The following C12orf56 variants were observed in gnomAD, a reference collection of about 807,000 sequenced individuals.
C12orf56 encodes uncharacterized protein C12orf56.
In C12orf56, 71 loss-of-function variants were observed where a neutral mutation model predicts 69.9. That is an observed-to-expected ratio of 1.02 (90% CI 0.84 to 1.24). C12orf56 has a LOEUF of 1.24. C12orf56 is among the 50% of genes most tolerant of loss of function. The pLI is 0.00. For synonymous variants in C12orf56, 276 were observed against 274.1 expected (o/e 1.01, Z -0.07); for missense variants, 732 against 738.5 (o/e 0.99, Z 0.10).
chr12:64,337,721 G>A lies in C12orf56; in HGVS notation c.416-6689C>T, dbSNP rs1409112284. On this transcript the variant is annotated intron_variant, in intron 2 of 12. Transcript: ENST00000543942. ...AAAATACAAAAATTAGTCACGTGTGGTAGTGCATGCCTGTAATCCCAGCTG... is the reference window on the plus strand; with the variant it reads ...AAAATACAAAAATTAGTCACGTGTGATAGTGCATGCCTGTAATCCCAGCTG... Among the ~76,000 whole-genome samples the A allele has an allele frequency of 2.0e-5, 3 of 152,166 alleles. No homozygotes were observed. In the East Asian group the frequency reaches 5.8e-4, roughly 29 times the overall value.
intron 2 of C12orf56, among the ~76,000 whole-genome samples, chr12:64,337,921 G>C (rs910199909): frequency 2.6e-5 from 4 of 151,148 alleles, no homozygotes; most frequent in Non-Finnish European, 5.9e-5. Context: ...CTTTATACCA[G>C]GGAGAGGAGA....
At chr12:64,374,458 T>C (rs906328458) in intron 1 of C12orf56, among the ~76,000 whole-genome samples, 5 of 152,178 alleles carry the variant, frequency 3.3e-5, no homozygotes, top group Non-Finnish European at 7.3e-5. Context: ...CACAAATGTA[T>C]CTACATCATT....
intron 4 of C12orf56, among the ~76,000 whole-genome samples, chr12:64,313,904 A>T (rs1248637173): frequency 6.6e-6 from 1 of 151,768 alleles, no homozygotes; most frequent in Non-Finnish European, 1.5e-5. Context: ...TTAGCCAGGC[A>T]TGGTGGCACA....
chr12:64,285,564 G>C (rs2038187637), intron 7 of C12orf56, among the ~76,000 whole-genome samples: 1 of 152,082 alleles, frequency 6.6e-6, no homozygotes, highest in African/African-American at 2.4e-5. Context: ...GAGATGGATG[G>C]ATCACCTGAG....
intron 3 of C12orf56, among the ~76,000 whole-genome samples, chr12:64,322,881 CT>C (rs1397148804): frequency 6.6e-6 from 1 of 152,128 alleles, no homozygotes; most frequent in Non-Finnish European, 1.5e-5. Flanking sequence ...CTTCACCCTC[CT>C]TTTTTTGGAA....
chr12:64,277,572 G>A, intron 9 of C12orf56, 108 bp downstream of exon 9: 2 of 721,944 alleles, frequency 2.8e-6, no homozygotes, highest in Non-Finnish European at 3.7e-6. Flanking sequence ...CTACTCTTTG[G>A]TTTAATTATG....
intron 1 of C12orf56, among the ~76,000 whole-genome samples, chr12:64,379,239 G>T (rs2039679723): frequency 6.6e-6 from 1 of 151,944 alleles, no homozygotes; most frequent in Admixed American, 6.6e-5. Flanking sequence ...GAATCAAATT[G>T]ACAAGATGCC....
intron 6 of C12orf56, among the ~76,000 whole-genome samples, chr12:64,286,299 T>C (rs2038200857): frequency 6.6e-6 from 1 of 152,194 alleles, no homozygotes; most frequent in Admixed American, 6.6e-5. Context: ...GAGATGCCAG[T>C]TAGGCCTGGC....
intron 2 of C12orf56, among the ~76,000 whole-genome samples, chr12:64,333,875 T>C (rs2038961701): frequency 6.6e-6 from 1 of 152,228 alleles, no homozygotes; most frequent in Non-Finnish European, 1.5e-5. Context: ...CACTCAGAAA[T>C]AAAGTACAGT....
chr12:64,385,770 G>A (rs1388897206), intron 1 of C12orf56, among the ~76,000 whole-genome samples: 3 of 152,114 alleles, frequency 2.0e-5, no homozygotes, highest in Non-Finnish European at 4.4e-5. Flanking sequence ...TGCTCGGGGA[G>A]CCTGATCTGA....
At chr12:64,340,479 C>A (rs981297615) in intron 2 of C12orf56, among the ~76,000 whole-genome samples, 1 of 152,082 alleles carries the variant, frequency 6.6e-6, no homozygotes, top group Non-Finnish European at 1.5e-5. Context: ...CAAATAAAGA[C>A]AATAATAAGG....
At chr12:64,287,252 AAAAAAAAAAAAGAAG>A (rs943916263) in intron 6 of C12orf56, among the ~76,000 whole-genome samples, 16 of 137,708 alleles carry the variant, frequency 1.2e-4, no homozygotes, top group African/African-American at 4.6e-4. Flanking sequence ...TCAAAAAAAA[AAAAAAAAAAAAGAAG>A]AAGAAGAAGA....
At chr12:64,338,415 C>T (rs1290028670) in intron 2 of C12orf56, 3 of 752,690 alleles carry the variant, frequency 4.0e-6, no homozygotes, top group Non-Finnish European at 7.4e-6. Context: ...TTGGTGGCAA[C>T]TTTGTACATA....
intron 8 of C12orf56, among the ~76,000 whole-genome samples, chr12:64,281,957 C>A (rs1435042626): frequency 6.6e-6 from 1 of 151,958 alleles, no homozygotes; most frequent in Admixed American, 6.6e-5. Context: ...AAAAGGATAA[C>A]CAGATTTAGT....
At chr12:64,351,459 G>A (rs938188613) in intron 2 of C12orf56, among the ~76,000 whole-genome samples, 5 of 152,162 alleles carry the variant, frequency 3.3e-5, no homozygotes, top group Admixed American at 6.5e-5. Context: ...ACAGGTGAGC[G>A]TGACTGATTC....
intron 1 of C12orf56, among the ~76,000 whole-genome samples, chr12:64,371,005 A>C (rs1386567069): frequency 6.6e-6 from 1 of 152,184 alleles, no homozygotes; most frequent in Non-Finnish European, 1.5e-5. Flanking sequence ...ATCTCTAAAA[A>C]ACAAAAACAA....
intron 1 of C12orf56, among the ~76,000 whole-genome samples, chr12:64,371,246 T>C (rs2039566776): frequency 6.7e-6 from 1 of 149,232 alleles, no homozygotes; most frequent in Non-Finnish European, 1.5e-5. Context: ...CCAAAAACAT[T>C]ACAAAAAAAC....
intron 1 of C12orf56, among the ~76,000 whole-genome samples, chr12:64,367,245 T>TTTATATATTATATATAATATACAGA (rs2039505899): frequency 1.0e-4 from 6 of 59,916 alleles, no homozygotes; most frequent in African/African-American, 2.6e-4. Flanking sequence ...TAATATACAG[T>TTTATATATTATATATAATATACAGA]TTATATATTA....
chr12:64,279,080 T>A (rs1167068778), intron 8 of C12orf56, among the ~76,000 whole-genome samples: 3 of 152,214 alleles, frequency 2.0e-5, no homozygotes, highest in East Asian at 1.9e-4. Context: ...TTCTTTTTTT[T>A]AAATATAAAA....
Sources: gnomAD v4.1 joint callset for allele counts (sites outside exome capture counted in the v4.1 genomes callset) on GRCh38, gnomAD v4.1.1 for gene constraint, MANE v1.5 for transcripts, NCBI Gene and HGNC (gene_info 2026-07-23, HGNC 2026-07-21) for gene names.